RAB28: variants seen among roughly 807,000 people sequenced by gnomAD.
RAB28 encodes RAB28, member RAS oncogene family.
RAB28 carries 24 observed loss-of-function variants against 31.7 expected under a neutral mutation model. The ratio of observed to expected loss-of-function variants is 0.76; its 90% CI spans 0.55 to 1.06. The LOEUF (loss-of-function observed/expected upper bound fraction) is 1.06, where lower values mean the gene tolerates loss of function less well. Among genes scored for constraint, RAB28 ranks in the 50% least tolerant of loss-of-function variants. RAB28 has a pLI of 0.00. For synonymous variants in RAB28, 100 were observed against 90.4 expected, an observed-to-expected ratio of 1.11 and a Z score of -0.60; for missense variants, 254 against 258.5, an observed-to-expected ratio of 0.98 and a Z score of 0.12.
chr4:13,468,227 A>C (rs1002341497), intron 3 of RAB28, among the ~76,000 whole-genome samples: 1 of 151,986 alleles, frequency 6.6e-6, no homozygotes, highest in East Asian at 1.9e-4. Context: ...TCTGAACAAC[A>C]CTAACAATCA....
At chr4:13,405,670 C>T (rs770248361) in intron 4 of RAB28, among the ~76,000 whole-genome samples, 5 of 152,092 alleles carry the variant, frequency 3.3e-5, no homozygotes, top group African/African-American at 4.8e-5. Context: ...AAAAGAGGAA[C>T]TACTGAACCC....
At chr4:13,481,260 T>C (rs1017452508) in intron 1 of RAB28, among the ~76,000 whole-genome samples, 20 of 151,990 alleles carry the variant, frequency 1.3e-4, no homozygotes, top group Admixed American at 1.2e-3. Flanking sequence ...GAGTGTAAAC[T>C]GTCAAAAATA....
rs144217155 is a variant in RAB28, at chr4:13,403,803, T to C, written c.392-22209A>G. Reference sequence around the variant, plus strand: ...ATGAATACTTTAAAATCTAAGAAAATTGAATGTGTGCAAATGTTTATAATA... The same window carrying C: ...ATGAATACTTTAAAATCTAAGAAAACTGAATGTGTGCAAATGTTTATAATA... On this transcript the variant is annotated intron_variant, in intron 4 of 6. Transcript: ENST00000330852. 1.0e-3 allele frequency among the ~76,000 whole-genome samples: 154 copies of C among 152,250 alleles called. No individual in the cohort carries two copies. In the Middle Eastern group the frequency reaches 0.01, roughly 10 times the overall value.
intron 2 of RAB28, 121 bp from the exon 3 acceptor site, chr4:13,474,527 T>C (rs1021086833): frequency 3.6e-6 from 2 of 548,208 alleles, no homozygotes; most frequent in African/African-American, 2.0e-5. Context: ...CCAATTTGCC[T>C]TTATGTGCAG....
At chr4:13,450,849 G>A (rs1392253462) in intron 4 of RAB28, among the ~76,000 whole-genome samples, 1 of 151,674 alleles carries the variant, frequency 6.6e-6, no homozygotes, top group Admixed American at 6.6e-5. Context: ...TGATACAAAT[G>A]AATTTGGAAT....
At chr4:13,369,349 C>T (rs970814494) in intron 6 of RAB28, among the ~76,000 whole-genome samples, 2 of 152,032 alleles carry the variant, frequency 1.3e-5, no homozygotes, top group African/African-American at 4.8e-5. Context: ...TTTAACTCTT[C>T]CCTCCTTCCC....
chr4:13,457,044 C>T lies in RAB28; in HGVS notation c.391+3655G>A, dbSNP rs150060109. ...AACTTTAACTAAAAGCTGGCTACTG[C>T]TACCAGTATTTCCACAGCCTACACA... On this transcript the variant is annotated intron_variant, in intron 4 of 6. Transcript: ENST00000330852. 9.7e-4 allele frequency among the ~76,000 whole-genome samples: 148 copies of T among 152,294 alleles called. 3 individuals carry two copies. The East Asian group carries it at 0.027, about 27-fold the overall frequency.
chr4:13,383,242 C>T (rs1392560708), intron 4 of RAB28, among the ~76,000 whole-genome samples: 1 of 151,988 alleles, frequency 6.6e-6, no homozygotes, highest in African/African-American at 2.4e-5. Flanking sequence ...GAGGAAAAAT[C>T]CCCATTGAAA....
chr4:13,479,617 A>G (rs1452261181), intron 1 of RAB28, 91 bp from the exon 2 acceptor site: 45 of 836,906 alleles, frequency 5.4e-5, no homozygotes, highest in Non-Finnish European at 8.6e-5. Context: ...CTTAACATGT[A>G]TATTGCAATT....
rs550114450 is a variant in RAB28 at position 13,484,128 on chromosome 4, C to T, written c.23G>A (p.Ser8Asn). The T allele has an allele frequency of 1.4e-5, 23 of 1,596,178 alleles. No homozygotes were observed. In the African/African-American group the frequency reaches 2.8e-4, roughly 20 times the overall value. Residue 8 changes from serine (S) to asparagine (N), a missense_variant, in exon 1 of 7, where the codon AGC becomes AAC. Transcript: ENST00000330852. MSDSEEESQDRQLKIVVL... is the reference protein window; with the variant it reads MSDSEEENQDRQLKIVVL... ...GACGATTTTCAGTTGCCGGTCCTGG[C>T]TCTCCTCCTCAGAGTCCGACATGGT... is the stretch of plus-strand genomic sequence containing the variant.
chr4:13,472,629 A>T (rs970373209), intron 3 of RAB28, among the ~76,000 whole-genome samples: 37 of 151,898 alleles, frequency 2.4e-4, no homozygotes, highest in African/African-American at 8.7e-4. Context: ...GTCAAATTTC[A>T]TTAGAAGTTA....
chr4:13,422,824 A>T (rs1265033285), intron 4 of RAB28, among the ~76,000 whole-genome samples: 1 of 151,996 alleles, frequency 6.6e-6, no homozygotes, highest in Non-Finnish European at 1.5e-5. Flanking sequence ...GGTGCAGCAA[A>T]CCAACATGGC....
intron 4 of RAB28, among the ~76,000 whole-genome samples, chr4:13,445,314 G>T (rs879595070): frequency 6.6e-6 from 1 of 151,780 alleles, no homozygotes; most frequent in African/African-American, 2.4e-5. Flanking sequence ...CTTTGCATTG[G>T]GTTATAGCTC....
At chr4:13,412,088 AC>A (rs999412160) in intron 4 of RAB28, among the ~76,000 whole-genome samples, 3 of 152,112 alleles carry the variant, frequency 2.0e-5, no homozygotes, top group South Asian at 2.1e-4. Context: ...CAGCCCCTAC[AC>A]CACAATTTGT....
At chr4:13,415,600 G>A (rs182285816) in intron 4 of RAB28, among the ~76,000 whole-genome samples, 24 of 152,234 alleles carry the variant, frequency 1.6e-4, no homozygotes, top group South Asian at 8.3e-4. Flanking sequence ...CACTGCGCTC[G>A]ATTTCTTGCC....
intron 1 of RAB28, among the ~76,000 whole-genome samples, chr4:13,481,218 C>G (rs929325757): frequency 2.0e-5 from 3 of 151,940 alleles, no homozygotes; most frequent in African/African-American, 7.2e-5. Context: ...ACTTTTGAGG[C>G]AAACATAAAG....
At chr4:13,457,967 CA>C (rs1715387651) in intron 4 of RAB28, among the ~76,000 whole-genome samples, 1 of 152,140 alleles carries the variant, frequency 6.6e-6, no homozygotes, top group Non-Finnish European at 1.5e-5. Flanking sequence ...TCCAATAAAG[CA>C]CATACTTAAC....
chr4:13,480,475 A>C (rs1241262898), intron 1 of RAB28, among the ~76,000 whole-genome samples: 1 of 151,876 alleles, frequency 6.6e-6, no homozygotes, highest in Non-Finnish European at 1.5e-5. Flanking sequence ...TTAAAATTAC[A>C]TGTCAACTCT....
rs527860033 is a variant in RAB28 at position 13,437,103 on chromosome 4, A to G, written c.391+23596T>C. On this transcript the variant is annotated intron_variant, in intron 4 of 6. Transcript: ENST00000330852. Reference sequence around the variant, plus strand: ...TTCGACAAAGTTGACAAAAATAAACAATGGCGAAAGGATATCCTACTCAAC... The same window carrying G: ...TTCGACAAAGTTGACAAAAATAAACGATGGCGAAAGGATATCCTACTCAAC... 1.4e-4 allele frequency among the ~76,000 whole-genome samples: 22 copies of G among 152,312 alleles called. No individual in the cohort carries two copies. The South Asian group carries it at 4.6e-3, about 32-fold the overall frequency.
Sources: allele counts gnomAD v4.1 joint callset (sites outside exome capture counted in the v4.1 genomes callset), GRCh38; gene constraint gnomAD v4.1.1; transcripts MANE v1.5; gene names NCBI Gene and HGNC (gene_info 2026-07-23, HGNC 2026-07-21).